Variants in ITPR2 observed in about 807,000 individuals in gnomAD.
ITPR2 encodes the protein inositol 1,4,5-trisphosphate receptor type 2, also known as inositol 1,4,5-trisphosphate-gated calcium channel ITPR2.
A neutral mutation model predicts 317.1 loss-of-function variants in ITPR2; 207 were observed. That is an observed-to-expected ratio of 0.65 (90% CI 0.58 to 0.73). The LOEUF is 0.73. Ranked by LOEUF, ITPR2 falls within the 30% of genes least tolerant of loss-of-function variation. The pLI, the probability that ITPR2 is intolerant of heterozygous loss-of-function variation, is 0.00. For missense variants in ITPR2, 2,613 were observed against 3,284.0 expected (o/e 0.80, Z 4.99); for synonymous variants, 1,156 against 1,149.1 (o/e 1.01, Z -0.12).
chr12:26,359,942 T>TG (rs1938772203), intron 55 of ITPR2, among the ~76,000 whole-genome samples: 4 of 152,320 alleles, frequency 2.6e-5, no homozygotes, highest in African/African-American at 9.6e-5. Context: ...AATACCACTT[T>TG]CGCCTCTACG....
intron 49 of ITPR2, among the ~76,000 whole-genome samples, chr12:26,420,856 T>C: frequency 6.6e-6 from 1 of 152,012 alleles, no homozygotes; most frequent in East Asian, 1.9e-4. Flanking sequence ...AAAAAGAGAG[T>C]GTCCAGAAGT....
chr12:26,550,613 C>G (rs1247251664), intron 36 of ITPR2, among the ~76,000 whole-genome samples: 1 of 152,034 alleles, frequency 6.6e-6, no homozygotes, highest in Non-Finnish European at 1.5e-5. Flanking sequence ...GGATACAATA[C>G]TCTGAGAAAC....
chr12:26,457,566 G>A (rs1019969055), intron 45 of ITPR2, among the ~76,000 whole-genome samples: 11 of 152,326 alleles, frequency 7.2e-5, no homozygotes, highest in South Asian at 4.1e-4. Context: ...ACAGAAGCAC[G>A]AAGAGTCAGA....
rs1234502985 is a variant in ITPR2, at chr12:26,725,653, T to C, written c.276A>G (p.Leu92=). 5 of 1,608,022 alleles carry C rather than the reference T, an allele frequency of 3.1e-6. No individual in the cohort carries two copies. Among genetic ancestry groups the C allele is most frequent in the African/African-American group, 1.3e-5 (1 of 74,800 alleles). The part of the protein sequence containing the change: ...NHTEAALLKK[L]QHAAELEQKQ... ...CAATTGGAATCCTGGTCCTTACCTG[T>C]AGTTTCTTCAGCAAGGCTGCCTCGG... The change falls in exon 3 of 57, where the codon CTA becomes CTG. Residue 92 remains leucine (L), a synonymous_variant. Transcript: ENST00000381340.
At chr12:26,658,627 G>A (rs1164172911) in intron 16 of ITPR2, among the ~76,000 whole-genome samples, 1 of 152,220 alleles carries the variant, frequency 6.6e-6, no homozygotes, top group Non-Finnish European at 1.5e-5. Context: ...TGACTTGTCT[G>A]CACTCATTTC....
At chr12:26,756,583 T>C (rs543737421) in intron 2 of ITPR2, among the ~76,000 whole-genome samples, 3 of 152,246 alleles carry the variant, frequency 2.0e-5, no homozygotes, top group Non-Finnish European at 2.9e-5. Context: ...CTTCCAGATA[T>C]TGCCTCTTGT....
chr12:26,579,587 C>G (rs1945349173), intron 33 of ITPR2, among the ~76,000 whole-genome samples: 2 of 152,010 alleles, frequency 1.3e-5, no homozygotes, highest in African/African-American at 4.8e-5. Flanking sequence ...ACAGATATAT[C>G]ATAATTTATT....
intron 23 of ITPR2, among the ~76,000 whole-genome samples, chr12:26,624,747 C>G (rs1297374668): frequency 2.7e-5 from 4 of 147,086 alleles, no homozygotes; most frequent in Non-Finnish European, 4.4e-5. Flanking sequence ...ATTAGTACAA[C>G]TGCTATGGAG....
At position 26,433,590 on chromosome 12, in the gene ITPR2, G is replaced by A. The variant is rs1015474555; in HGVS notation, c.6769+2631C>T. On this transcript the variant is annotated intron_variant, in intron 48 of 56. Transcript: ENST00000381340. ...TCAACTTAACTGTTGATGGAGTGCC[G>A]CACTGTTAAATATAAAGATTTTACA... Among the ~76,000 whole-genome samples the A allele has an allele frequency of 5.9e-5, 9 of 151,976 alleles. No homozygotes were observed. In the East Asian group the frequency reaches 9.6e-4, roughly 16 times the overall value.
intron 45 of ITPR2, 53 bp from the exon 46 acceptor site, chr12:26,443,703 G>T (rs1011009124): frequency 4.3e-6 from 6 of 1,394,120 alleles, no homozygotes; most frequent in Non-Finnish European, 6.1e-6. Context: ...CTTTCCTAGG[G>T]TCAAACTTTG....
chr12:26,817,779 C>T (rs1346079237), intron 1 of ITPR2, among the ~76,000 whole-genome samples: 4 of 152,282 alleles, frequency 2.6e-5, no homozygotes, highest in East Asian at 3.9e-4. Context: ...GCTCTATTAT[C>T]CCTAGTGACT....
chr12:26,415,597 G>T, intron 50 of ITPR2, 99 bp from the exon 51 acceptor site: 2 of 815,178 alleles, frequency 2.5e-6, no homozygotes, highest in African/African-American at 1.8e-5. Context: ...AGCCATTCTA[G>T]TTTATATATA....
intron 37 of ITPR2, among the ~76,000 whole-genome samples, chr12:26,497,130 T>C (rs116280809): frequency 0.075 from 11,077 of 146,802 alleles, 476 homozygotes; most frequent in South Asian, 0.14. Context: ...TTTAACCAAA[T>C]TGAACCATGT....
chr12:26,495,267 A>G lies in ITPR2; in HGVS notation c.5074-7T>C. On this transcript the variant is annotated splice_polypyrimidine_tract_variant and splice_region_variant and intron_variant, in intron 37 of 56. Transcript: ENST00000381340. ...TCTTTCTTAATGTGTTACCCTAATA[A>G]GAAGGATAACAAAGAGTTACTGTTC... The G allele has an allele frequency of 6.9e-7, 1 of 1,445,768 alleles. No homozygotes were observed. The highest frequency in any genetic ancestry group is 2.3e-5 in the East Asian group (1 of 43,872). 89.6% of individuals were successfully genotyped at this position (1,445,768 alleles called of 1,614,324 possible). A position where few individuals can be genotyped will look rare whatever the true frequency, so the allele number is the denominator to read the frequency against.
chr12:26,697,562 A>T (rs938386263), intron 9 of ITPR2, among the ~76,000 whole-genome samples: 1 of 152,160 alleles, frequency 6.6e-6, no homozygotes, highest in African/African-American at 2.4e-5. Context: ...TAATCCCAGC[A>T]CTTTGGGAGG....
At chr12:26,627,627 G>A (rs989638565) in intron 23 of ITPR2, among the ~76,000 whole-genome samples, 1 of 152,052 alleles carries the variant, frequency 6.6e-6, no homozygotes, top group Non-Finnish European at 1.5e-5. Flanking sequence ...TTTTTGTCTC[G>A]TAAAAATATG....
At chr12:26,348,435 G>A (rs949378101) in intron 55 of ITPR2, among the ~76,000 whole-genome samples, 2 of 152,212 alleles carry the variant, frequency 1.3e-5, no homozygotes, top group Non-Finnish European at 2.9e-5. Flanking sequence ...GTGGCCTTGA[G>A]GGCAGATTAG....
chr12:26,401,760 G>A (rs1057298613), intron 52 of ITPR2, among the ~76,000 whole-genome samples: 4 of 152,158 alleles, frequency 2.6e-5, no homozygotes, highest in South Asian at 2.1e-4. Flanking sequence ...TTGATACTTC[G>A]TTAAGAAAAG....
chr12:26,398,193 C>A (rs756198579), intron 54 of ITPR2, among the ~76,000 whole-genome samples: 1 of 151,852 alleles, frequency 6.6e-6, no homozygotes, highest in Admixed American at 6.6e-5. Context: ...GAGGCCAAGG[C>A]GGGTGGATCA....
Sources: allele counts gnomAD v4.1 joint callset (sites outside exome capture counted in the v4.1 genomes callset), GRCh38; gene constraint gnomAD v4.1.1; transcripts MANE v1.5; gene names NCBI Gene and HGNC (gene_info 2026-07-23, HGNC 2026-07-21).